TAFA2: variants seen among roughly 807,000 people sequenced by gnomAD.
The protein encoded by TAFA2 is chemokine-like protein TAFA-2.
TAFA2 carries 7 observed loss-of-function variants against 18.8 expected under a neutral mutation model. The observed-to-expected ratio is 0.37, with a 90% CI of 0.21 to 0.70. TAFA2 has a LOEUF of 0.70. Among genes scored for constraint, TAFA2 ranks in the 30% least tolerant of loss-of-function variants. The pLI is 0.53. For synonymous variants in TAFA2, 60 were observed against 54.2 expected, an observed-to-expected ratio of 1.11 and a Z score of -0.47; for missense variants, 122 against 158.1, an observed-to-expected ratio of 0.77 and a Z score of 1.23.
In TAFA2 at chr12:62,005,754, T is replaced by C. The variant is rs116743002; in HGVS notation, c.-1-138328A>G. 3.7e-3 allele frequency among the ~76,000 whole-genome samples: 566 copies of C among 152,232 alleles called. 5 individuals are homozygous for C. The highest frequency in any genetic ancestry group is 0.013 in the African/African-American group (543 of 41,562). ...TTTCCATTAATCCACAAAAATACTATATGGATTTTACAGATAAGCAAAGTG... is the reference window on the plus strand; with the variant it reads ...TTTCCATTAATCCACAAAAATACTACATGGATTTTACAGATAAGCAAAGTG... On this transcript the variant is annotated intron_variant, in intron 1 of 4. Transcript: ENST00000416284.
chr12:62,244,930 T>C (rs2062878129), intron 1 of TAFA2, among the ~76,000 whole-genome samples: 1 of 152,184 alleles, frequency 6.6e-6, no homozygotes, highest in Non-Finnish European at 1.5e-5. Context: ...TAATTCCATT[T>C]TTTGTCAGTA....
intron 2 of TAFA2, among the ~76,000 whole-genome samples, chr12:61,766,343 C>T (rs1222861282): frequency 6.6e-6 from 1 of 152,106 alleles, no homozygotes; most frequent in Admixed American, 6.6e-5. Flanking sequence ...TTGCATCCTA[C>T]ACTGAAGGCA....
At chr12:61,879,878 C>A (rs1429669533) in intron 1 of TAFA2, 4 of 916,256 alleles carry the variant, frequency 4.4e-6, no homozygotes, top group East Asian at 4.8e-5. Context: ...GATCAATAAG[C>A]ATACAGAGAT....
chr12:61,980,152 T>A (rs1356890246), intron 1 of TAFA2, among the ~76,000 whole-genome samples: 1 of 152,056 alleles, frequency 6.6e-6, no homozygotes, highest in Admixed American at 6.6e-5. Context: ...GTTTAACATA[T>A]GCAAATCAAT....
chr12:61,722,081 T>A (rs962060725), intron 4 of TAFA2, among the ~76,000 whole-genome samples: 2 of 152,074 alleles, frequency 1.3e-5, no homozygotes, highest in Non-Finnish European at 1.5e-5. Flanking sequence ...TGAGTAACAA[T>A]AATAAATAAT....
At chr12:62,029,536 C>T (rs1335111226) in intron 1 of TAFA2, among the ~76,000 whole-genome samples, 3 of 152,068 alleles carry the variant, frequency 2.0e-5, no homozygotes, top group Non-Finnish European at 4.4e-5. Flanking sequence ...GGAACTTAAA[C>T]TGATGTGATA....
At chr12:62,004,887 G>A (rs930492704) in intron 1 of TAFA2, among the ~76,000 whole-genome samples, 10 of 152,044 alleles carry the variant, frequency 6.6e-5, no homozygotes, top group African/African-American at 2.4e-4. Flanking sequence ...CAACATGGAT[G>A]AACCTAGAGA....
chr12:61,791,069 A>T (rs1870956857), intron 2 of TAFA2, among the ~76,000 whole-genome samples: 1 of 151,812 alleles, frequency 6.6e-6, no homozygotes, highest in African/African-American at 2.4e-5. Flanking sequence ...ATCAGCACTG[A>T]TTTTCGACAA....
intron 1 of TAFA2, among the ~76,000 whole-genome samples, chr12:61,874,787 C>T (rs1874770472): frequency 6.6e-6 from 1 of 152,114 alleles, no homozygotes. Flanking sequence ...TTTCAGAGCC[C>T]TAGAAAGACA....
intron 1 of TAFA2, among the ~76,000 whole-genome samples, chr12:62,004,714 T>C (rs1394881868): frequency 1.3e-5 from 2 of 152,140 alleles, no homozygotes; most frequent in African/African-American, 4.8e-5. Context: ...GAGTATCATA[T>C]AGATATCAGT....
At chr12:61,791,772 T>C (rs182871480) in intron 2 of TAFA2, among the ~76,000 whole-genome samples, 55 of 151,834 alleles carry the variant, frequency 3.6e-4, no homozygotes, top group Non-Finnish European at 5.6e-4. Context: ...TTTGTGGGTA[T>C]GTAAATTAGT....
intron 2 of TAFA2, among the ~76,000 whole-genome samples, chr12:61,826,841 A>G (rs1592415493): frequency 6.6e-6 from 1 of 151,954 alleles, no homozygotes; most frequent in Non-Finnish European, 1.5e-5. Context: ...TATGATATAT[A>G]TGTAAGAAAA....
At chr12:62,069,745 C>T (rs1882580359) in intron 1 of TAFA2, among the ~76,000 whole-genome samples, 1 of 152,142 alleles carries the variant, frequency 6.6e-6, no homozygotes, top group African/African-American at 2.4e-5. Flanking sequence ...AATTTTAGTT[C>T]CTTCACATGA....
intron 4 of TAFA2, among the ~76,000 whole-genome samples, chr12:61,741,261 C>G (rs1868430209): frequency 6.6e-6 from 1 of 151,720 alleles, no homozygotes; most frequent in Admixed American, 6.6e-5. Flanking sequence ...TCTCTCCTCT[C>G]TCTCTGCTCT....
chr12:61,714,575 G>T (rs1869561475), intron 4 of TAFA2, among the ~76,000 whole-genome samples: 3 of 152,104 alleles, frequency 2.0e-5, no homozygotes, highest in Admixed American at 1.3e-4. Flanking sequence ...CTTTAAGTCT[G>T]TTCAACAATT....
intron 1 of TAFA2, among the ~76,000 whole-genome samples, chr12:62,012,624 C>T (rs1435879514): frequency 6.6e-6 from 1 of 152,090 alleles, no homozygotes; most frequent in Non-Finnish European, 1.5e-5. Context: ...CCATCTCAGA[C>T]TTTGTCTTAT....
At chr12:61,828,370 C>T (rs10784266) in intron 2 of TAFA2, among the ~76,000 whole-genome samples, 132,616 of 151,892 alleles carry the variant, frequency 0.87, 57,971 homozygotes, top group African/African-American at 0.92. Flanking sequence ...AATTCTATAA[C>T]TAAAATGCCC....
intron 1 of TAFA2, among the ~76,000 whole-genome samples, chr12:62,029,617 A>G (rs932855176): frequency 2.4e-5 from 1 of 40,820 alleles, no homozygotes; most frequent in Non-Finnish European, 5.1e-5. Context: ...TTTTTTAAAA[A>G]AGCCAAAACA....
At chr12:61,950,084 CAT>C (rs1304872684) in intron 1 of TAFA2, among the ~76,000 whole-genome samples, 3 of 152,134 alleles carry the variant, frequency 2.0e-5, no homozygotes, top group African/African-American at 7.2e-5. Flanking sequence ...CATGTTGTCA[CAT>C]GTGACAGGAA....
Sources: allele counts gnomAD v4.1 joint callset (sites outside exome capture counted in the v4.1 genomes callset), GRCh38; gene constraint gnomAD v4.1.1; transcripts MANE v1.5; gene names NCBI Gene and HGNC (gene_info 2026-07-23, HGNC 2026-07-21).